The following LOXL2 variants were observed in gnomAD, a reference collection of about 807,000 sequenced individuals.
LOXL2 encodes the protein lysyl oxidase like 2.
A neutral mutation model predicts 93.0 loss-of-function variants in LOXL2; 70 were observed. The ratio of observed to expected loss-of-function variants is 0.75; its 90% CI spans 0.62 to 0.92. The LOEUF (loss-of-function observed/expected upper bound fraction) is 0.92, where lower values mean the gene tolerates loss of function less well. Ranked by LOEUF, LOXL2 falls within the 40% of genes least tolerant of loss-of-function variation. LOXL2 has a pLI of 0.00. For synonymous variants in LOXL2, 438 were observed against 413.2 expected, an observed-to-expected ratio of 1.06 and a Z score of -0.73; for missense variants, 973 against 1,054.9, an observed-to-expected ratio of 0.92 and a Z score of 1.08.
intron 1 of LOXL2, among the ~76,000 whole-genome samples, chr8:23,392,428 T>C (rs1244615068): frequency 1.3e-5 from 2 of 152,202 alleles, no homozygotes; most frequent in African/African-American, 2.4e-5. Flanking sequence ...GGTAGTGGCA[T>C]ATAGAGAGAG....
chr8:23,300,379 C>A (rs1358772839), intron 12 of LOXL2, among the ~76,000 whole-genome samples: 2 of 152,200 alleles, frequency 1.3e-5, no homozygotes, highest in East Asian at 3.9e-4. Context: ...AGCGGGGCCA[C>A]CAGGAGCCAG....
chr8:23,395,916 C>T (rs2117240230), intron 1 of LOXL2, among the ~76,000 whole-genome samples: 1 of 152,186 alleles, frequency 6.6e-6, no homozygotes, highest in Middle Eastern at 3.4e-3. Context: ...TCAGGCAATC[C>T]CCCAACCTTG....
intron 13 of LOXL2, among the ~76,000 whole-genome samples, 193 bp downstream of exon 13, chr8:23,298,643 G>A (rs529287011): frequency 6.6e-5 from 10 of 152,278 alleles, no homozygotes; most frequent in African/African-American, 9.6e-5. Context: ...TCCTCTATCC[G>A]TGGCCGGAGC....
chr8:23,341,886 G>A (rs1320104204), intron 3 of LOXL2, among the ~76,000 whole-genome samples: 2 of 152,204 alleles, frequency 1.3e-5, no homozygotes, highest in Non-Finnish European at 1.5e-5. Context: ...AGGGAGGTAG[G>A]GTTGGGGACA....
intron 1 of LOXL2, among the ~76,000 whole-genome samples, chr8:23,386,535 C>T (rs1804763125): frequency 6.6e-6 from 1 of 152,184 alleles, no homozygotes; most frequent in Admixed American, 6.5e-5. Flanking sequence ...TTTCTCTTCT[C>T]CATACCTGTT....
Position 23,297,286 on chromosome 8 carries a change from C to T in LOXL2, c.*757G>A, listed in dbSNP as rs943722422. 5.9e-5 allele frequency: 9 copies of T among 152,254 alleles called. No homozygotes were observed. The East Asian group carries it at 9.7e-4, about 16-fold the overall frequency. 9.4% of individuals were successfully genotyped at this position (152,254 alleles called of 1,614,324 possible). A position where few individuals can be genotyped will look rare whatever the true frequency, so the allele number is the denominator to read the frequency against. ...TCACCCAGGACCCTGGTTATAGCAC[C>T]GTTGAATCAAAAACCCACAGAATTG... On this transcript the variant is annotated 3_prime_UTR_variant, in exon 14 of 14. Coordinates refer to ENST00000389131, the MANE Select transcript of LOXL2 (RefSeq NM_002318.3).
At chr8:23,309,133 C>T (rs1000858044) in intron 10 of LOXL2, among the ~76,000 whole-genome samples, 1 of 151,916 alleles carries the variant, frequency 6.6e-6, no homozygotes, top group Non-Finnish European at 1.5e-5. Context: ...TATAGGCATC[C>T]ACCACCATGC....
intron 3 of LOXL2, among the ~76,000 whole-genome samples, chr8:23,353,264 A>G (rs1185740725): frequency 1.3e-5 from 2 of 152,170 alleles, no homozygotes; most frequent in Admixed American, 6.5e-5. Flanking sequence ...TCTCAATTTA[A>G]GAGGCTCTGA....
chr8:23,385,605 A>T (rs1202655438), intron 1 of LOXL2, among the ~76,000 whole-genome samples: 1 of 152,134 alleles, frequency 6.6e-6, no homozygotes, highest in Non-Finnish European at 1.5e-5. Context: ...TTTATTAATC[A>T]TTAATCAGTA....
intron 3 of LOXL2, among the ~76,000 whole-genome samples, chr8:23,351,043 G>C (rs1804084292): frequency 6.6e-6 from 1 of 152,150 alleles, no homozygotes; most frequent in Non-Finnish European, 1.5e-5. Context: ...CAGTCATGAG[G>C]CATGAGACTG....
At chr8:23,331,728 G>A (rs1219213764) in intron 5 of LOXL2, 1 of 148,570 alleles carries the variant, frequency 6.7e-6, no homozygotes, top group Non-Finnish European at 1.5e-5. Context: ...AGCCTGCTGT[G>A]GTTGGACTAC....
At chr8:23,399,874 G>A (rs1014492651) in intron 1 of LOXL2, among the ~76,000 whole-genome samples, 1 of 152,208 alleles carries the variant, frequency 6.6e-6, no homozygotes, top group African/African-American at 2.4e-5. Context: ...ATCTATGGCC[G>A]TCAGAAGGCA....
chr8:23,349,174 G>C (rs980227839), intron 3 of LOXL2, among the ~76,000 whole-genome samples: 1 of 152,120 alleles, frequency 6.6e-6, no homozygotes, highest in African/African-American at 2.4e-5. Flanking sequence ...TGTGCAAGGA[G>C]AATCATGGGA....
intron 2 of LOXL2, among the ~76,000 whole-genome samples, chr8:23,367,105 G>A (rs1258606691): frequency 1.3e-5 from 2 of 152,194 alleles, no homozygotes; most frequent in African/African-American, 4.8e-5. Flanking sequence ...CTGGAGTGCA[G>A]TGGCGCGATC....
At chr8:23,361,776 GT>G (rs1200840896) in intron 2 of LOXL2, among the ~76,000 whole-genome samples, 1 of 152,104 alleles carries the variant, frequency 6.6e-6, no homozygotes, top group Non-Finnish European at 1.5e-5. Context: ...GGAGACAGAG[GT>G]TGCAGTGAGC....
chr8:23,375,965 C>G (rs1003958204), intron 1 of LOXL2, among the ~76,000 whole-genome samples: 1 of 152,154 alleles, frequency 6.6e-6, no homozygotes, highest in Non-Finnish European at 1.5e-5. Context: ...GCCAGAACTT[C>G]CAACACTATG....
chr8:23,319,939 C>A lies in LOXL2; in HGVS notation c.1416G>T (p.Glu472Asp). 1 of 1,614,096 alleles carries A rather than the reference C, an allele frequency of 6.2e-7. No homozygotes were observed. Among genetic ancestry groups the A allele is most frequent in the Non-Finnish European group, 8.5e-7 (1 of 1,179,976 alleles). Residue 472 changes from glutamate (E) to aspartate (D), a missense_variant, in exon 8 of 14, where the codon GAG becomes GAT. By Grantham distance (45) the Glu-to-Asp change is conservative. Coordinates refer to ENST00000389131, the MANE Select transcript of LOXL2 (RefSeq NM_002318.3). ...CCAGCTGGCGGCAGACCACCATGGCCTCCACGATGCCCCAGTTTTGGCCAC... is the reference window on the plus strand; with the variant it reads ...CCAGCTGGCGGCAGACCACCATGGCATCCACGATGCCCCAGTTTTGGCCAC... ...MVCGQNWGIV[E>D]AMVVCRQLGL...
At position 23,296,981 on chromosome 8, in the gene LOXL2, C is replaced by T. The variant is rs758894975; in HGVS notation, c.*1062G>A. 1.3e-5 allele frequency among the ~76,000 whole-genome samples: 2 copies of T among 152,166 alleles called. No homozygotes were observed. The highest frequency in any genetic ancestry group is 6.5e-5 in the Admixed American group (1 of 15,280). Reference sequence around the variant, plus strand: ...TTTGTGATCTCCTTAGATTGCTTCTCCCAGATGGTAGGAGCTGCCCCTTTT... The same window carrying T: ...TTTGTGATCTCCTTAGATTGCTTCTTCCAGATGGTAGGAGCTGCCCCTTTT... On this transcript the variant is annotated 3_prime_UTR_variant, in exon 14 of 14. Transcript: ENST00000389131.
intron 1 of LOXL2, among the ~76,000 whole-genome samples, chr8:23,377,646 A>C (rs139964549): frequency 0.024 from 3,589 of 152,296 alleles, 131 homozygotes; most frequent in African/African-American, 0.082. Flanking sequence ...ATATACATTT[A>C]AGATAGTTAG....
Sources: gnomAD v4.1 joint callset for allele counts (sites outside exome capture counted in the v4.1 genomes callset) on GRCh38, gnomAD v4.1.1 for gene constraint, MANE v1.5 for transcripts, NCBI Gene and HGNC (gene_info 2026-07-23, HGNC 2026-07-21) for gene names.